CTNNA2: variants seen among roughly 807,000 people sequenced by gnomAD.
The protein encoded by CTNNA2 is catenin alpha-2.
Under a neutral mutation model 101.0 loss-of-function variants are expected in CTNNA2, and 42 were observed. The observed-to-expected ratio is 0.42, with a 90% CI of 0.32 to 0.54. The LOEUF (loss-of-function observed/expected upper bound fraction) is 0.54, where lower values mean the gene tolerates loss of function less well. Among genes scored for constraint, CTNNA2 ranks in the 20% least tolerant of loss-of-function variants. The probability of loss-of-function intolerance (pLI) is 0.14; values close to 1 mark genes in which losing one functional copy is unlikely to be tolerated. For missense variants in CTNNA2, 871 were observed against 1,223.1 expected (o/e 0.71, Z 4.29); for synonymous variants, 450 against 456.4 (o/e 0.99, Z 0.18).
chr2:79,801,746 C>T (rs1676174034), intron 3 of CTNNA2, among the ~76,000 whole-genome samples: 1 of 152,012 alleles, frequency 6.6e-6, no homozygotes, highest in Non-Finnish European at 1.5e-5. Context: ...AATCCCAGCA[C>T]TTTGGGAGGC....
intron 18 of CTNNA2, among the ~76,000 whole-genome samples, chr2:80,646,370 G>C (rs1674087986): frequency 6.6e-6 from 1 of 152,076 alleles, no homozygotes; most frequent in African/African-American, 2.4e-5. Flanking sequence ...CAAGAAGTTT[G>C]ATGAAAGATC....
chr2:80,583,795 T>C (rs1695743780), intron 14 of CTNNA2, among the ~76,000 whole-genome samples: 2 of 152,150 alleles, frequency 1.3e-5, no homozygotes, highest in South Asian at 2.1e-4. Context: ...TGATGATGGG[T>C]GGAAATACAA....
intron 2 of CTNNA2, among the ~76,000 whole-genome samples, chr2:79,743,810 A>G (rs1166753575): frequency 6.6e-6 from 1 of 152,212 alleles, no homozygotes; most frequent in Admixed American, 6.5e-5. Flanking sequence ...TTGGGATTAC[A>G]GGTGTGAGCC....
intron 14 of CTNNA2, among the ~76,000 whole-genome samples, chr2:80,587,866 G>C (rs907568862): frequency 1.3e-5 from 2 of 152,138 alleles, no homozygotes; most frequent in African/African-American, 4.8e-5. Context: ...TACAGTTTTG[G>C]GAGGATGTGA....
intron 4 of CTNNA2, among the ~76,000 whole-genome samples, chr2:79,402,145 C>T (rs979030206): frequency 2.6e-5 from 4 of 151,386 alleles, no homozygotes; most frequent in Admixed American, 2.6e-4. Flanking sequence ...GCAAAAGAGT[C>T]CAAAAATGCC....
chr2:79,973,269 C>A (rs1439330714), intron 7 of CTNNA2, among the ~76,000 whole-genome samples: 1 of 152,050 alleles, frequency 6.6e-6, no homozygotes, highest in Admixed American at 6.6e-5. Context: ...GTTTTTCATG[C>A]TGCAAGTACA....
intron 9 of CTNNA2, among the ~76,000 whole-genome samples, chr2:80,517,131 C>A (rs1325059717): frequency 6.6e-6 from 1 of 152,148 alleles, no homozygotes; most frequent in Non-Finnish European, 1.5e-5. Flanking sequence ...CGAAAGAATT[C>A]AGTTAGGCAC....
intron 1 of CTNNA2, among the ~76,000 whole-genome samples, chr2:79,628,866 T>C (rs1454899212): frequency 6.6e-6 from 1 of 152,220 alleles, no homozygotes; most frequent in Non-Finnish European, 1.5e-5. Flanking sequence ...TCACCACTCT[T>C]TGCAGCCCTG....
At chr2:80,151,408 C>G (rs1217124584) in intron 7 of CTNNA2, among the ~76,000 whole-genome samples, 1 of 152,164 alleles carries the variant, frequency 6.6e-6, no homozygotes, top group Non-Finnish European at 1.5e-5. Context: ...TAATGACAAG[C>G]TATTGCTTCT....
At chr2:79,360,871 A>G (rs1677612391) in intron 3 of CTNNA2, among the ~76,000 whole-genome samples, 1 of 152,208 alleles carries the variant, frequency 6.6e-6, no homozygotes, top group South Asian at 2.1e-4. Flanking sequence ...CTTTGAAAAT[A>G]AATTGAGTAA....
chr2:80,184,873 T>C (rs1706016178), intron 7 of CTNNA2, among the ~76,000 whole-genome samples: 1 of 152,208 alleles, frequency 6.6e-6, no homozygotes, highest in African/African-American at 2.4e-5. Context: ...TTATCTCACA[T>C]ATTTAAAAGA....
chr2:79,908,770 A>T, intron 6 of CTNNA2, among the ~76,000 whole-genome samples: 2 of 152,218 alleles, frequency 1.3e-5, no homozygotes, highest in South Asian at 4.2e-4. Flanking sequence ...TCACTAGTTT[A>T]TGTCCAAATA....
At chr2:80,157,304 C>T (rs938418599) in intron 7 of CTNNA2, among the ~76,000 whole-genome samples, 8 of 152,092 alleles carry the variant, frequency 5.3e-5, no homozygotes, top group African/African-American at 1.7e-4. Context: ...AAAGCGGGGG[C>T]GTGGTTGGTG....
At position 80,043,040 on chromosome 2, in the gene CTNNA2, C is replaced by CTTTCT. The variant is rs1558754587; in HGVS notation, c.1056+133245_1056+133246insTCTTT. 3.2e-4 allele frequency among the ~76,000 whole-genome samples: 17 copies of CTTTCT among 52,816 alleles called. 4 individuals are homozygous for CTTTCT. The highest frequency in any genetic ancestry group is 4.2e-4 in the Non-Finnish European group (11 of 25,990). 34.6% of individuals were successfully genotyped at this position (52,816 alleles called of 152,430 possible). ...TTCCCTTTCTTTCTTTCTTTCTTTC[C>CTTTCT]TTCTTTCTTTCTTTCTTTCTTTCTT... On this transcript the variant is annotated intron_variant, in intron 7 of 18. Transcript: ENST00000402739.
chr2:80,048,477 G>A (rs1696669797), intron 7 of CTNNA2, among the ~76,000 whole-genome samples: 1 of 152,204 alleles, frequency 6.6e-6, no homozygotes, highest in African/African-American at 2.4e-5. Flanking sequence ...TTTCCTATCA[G>A]AGCTGAGAAA....
At chr2:79,306,726 C>T (rs1676257134) in intron 2 of CTNNA2, among the ~76,000 whole-genome samples, 2 of 152,128 alleles carry the variant, frequency 1.3e-5, no homozygotes, top group African/African-American at 4.8e-5. Context: ...AATGGCTCTC[C>T]AGAATAACTA....
At chr2:79,473,816 CT>C (rs1400306077) in intron 4 of CTNNA2, among the ~76,000 whole-genome samples, 1 of 152,008 alleles carries the variant, frequency 6.6e-6, no homozygotes, top group Non-Finnish European at 1.5e-5. Flanking sequence ...ATAAAGAATG[CT>C]AGAAATAACA....
chr2:79,380,026 T>G (rs890655503), intron 4 of CTNNA2, among the ~76,000 whole-genome samples: 7 of 152,156 alleles, frequency 4.6e-5, no homozygotes, highest in Non-Finnish European at 8.8e-5. Flanking sequence ...TTAATGTTGT[T>G]TATAAGGATG....
intron 9 of CTNNA2, among the ~76,000 whole-genome samples, chr2:80,453,794 A>C (rs1002664369): frequency 4.6e-5 from 7 of 152,194 alleles, no homozygotes; most frequent in Admixed American, 4.6e-4. Flanking sequence ...GTAAATCAAA[A>C]GATACGTTTC....
Sources: gnomAD v4.1 joint callset for allele counts (sites outside exome capture counted in the v4.1 genomes callset) on GRCh38, gnomAD v4.1.1 for gene constraint, MANE v1.5 for transcripts, NCBI Gene and HGNC (gene_info 2026-07-23, HGNC 2026-07-21) for gene names.